COL18A1: variants seen among roughly 807,000 people sequenced by gnomAD.
COL18A1 encodes the protein collagen alpha-1(XVIII) chain.
Under a neutral mutation model 168.0 loss-of-function variants are expected in COL18A1, and 133 were observed. The observed-to-expected ratio is 0.79, with a 90% CI of 0.69 to 0.91. The LOEUF (loss-of-function observed/expected upper bound fraction) is 0.91, where lower values mean the gene tolerates loss of function less well. Among genes scored for constraint, COL18A1 ranks in the 40% least tolerant of loss-of-function variants. COL18A1 has a pLI of 0.00. For missense variants in COL18A1, 2,126 were observed against 1,925.4 expected (o/e 1.10, Z -1.95); for synonymous variants, 949 against 809.0 (o/e 1.17, Z -2.94).
chr21:45,497,261 C>G (rs2036575247), intron 31 of COL18A1, among the ~76,000 whole-genome samples, 169 bp downstream of exon 31: 2 of 151,508 alleles, frequency 1.3e-5, no homozygotes, highest in Non-Finnish European at 3.0e-5. Flanking sequence ...CCTGCGGGCC[C>G]TCCCAGCACA....
intron 2 of COL18A1, among the ~76,000 whole-genome samples, chr21:45,414,256 G>A (rs2033380337): frequency 6.6e-6 from 1 of 152,190 alleles, no homozygotes; most frequent in South Asian, 2.1e-4. Context: ...CCTCTCATCT[G>A]TTTTGGGTCC....
At chr21:45,429,827 G>A (rs141059214) in intron 2 of COL18A1, among the ~76,000 whole-genome samples, 7 of 152,298 alleles carry the variant, frequency 4.6e-5, no homozygotes, top group South Asian at 2.1e-4. Flanking sequence ...AAGCCTGCCC[G>A]CCTTGGTTCA....
chr21:45,506,410 A>C, intron 37 of COL18A1: 1 of 323,486 alleles, frequency 3.1e-6, no homozygotes, highest in Non-Finnish European at 6.1e-6. Context: ...GGTGGGATGA[A>C]ATGCATCCTC....
At chr21:45,467,167 G>T in intron 2 of COL18A1, 1 of 896,452 alleles carries the variant, frequency 1.1e-6, no homozygotes. Context: ...ACTCTGAGCA[G>T]GGTCTGCCCT....
intron 17 of COL18A1, among the ~76,000 whole-genome samples, chr21:45,488,094 G>T (rs11089009): frequency 6.6e-6 from 1 of 152,012 alleles, no homozygotes; most frequent in Non-Finnish European, 1.5e-5. Context: ...AGGAGCCCCC[G>T]GGGCCACAGC....
intron 21 of COL18A1, 85 bp downstream of exon 21, chr21:45,490,956 C>A: frequency 7.7e-7 from 1 of 1,297,268 alleles, no homozygotes; most frequent in Non-Finnish European, 1.1e-6. Flanking sequence ...CAGGTCCGTG[C>A]CCCTGCTGCC....
rs576036864 is a variant in COL18A1 at position 45,498,108 on chromosome 21, C to A, written c.2683+447C>A. 3 of 625,006 alleles carry A rather than the reference C, an allele frequency of 4.8e-6. No individual in the cohort carries two copies. The highest frequency in any genetic ancestry group is 1.8e-5 in the South Asian group (1 of 54,692). 38.7% of individuals were successfully genotyped at this position (625,006 alleles called of 1,614,324 possible). ...GGGTGAGCCCAGCACCCCTGCTCCC[C>A]CAAAGGACAAGAATTCCCCCCTGAG... is the stretch of plus-strand genomic sequence containing the variant. On this transcript the variant is annotated intron_variant, in intron 32 of 41. Transcript: ENST00000651438. The surrounding 1 kb of genome is among the most constrained non-coding windows in gnomAD (Gnocchi z 4.5).
At chr21:45,448,010 C>G (rs1185899025) in intron 2 of COL18A1, among the ~76,000 whole-genome samples, 2 of 152,148 alleles carry the variant, frequency 1.3e-5, no homozygotes, top group African/African-American at 4.8e-5. Flanking sequence ...CCACACAGAG[C>G]CCCAGGGGAC....
At chr21:45,509,063 G>A (rs755187126) in intron 38 of COL18A1, among the ~76,000 whole-genome samples, 10 of 152,130 alleles carry the variant, frequency 6.6e-5, no homozygotes, top group Non-Finnish European at 1.5e-4. Context: ...TTGGAGCCGC[G>A]GCAAAGGAGA....
intron 34 of COL18A1, 146 bp from the exon 35 acceptor site, chr21:45,504,988 C>T (rs953315837): frequency 5.9e-6 from 6 of 1,023,672 alleles, no homozygotes; most frequent in African/African-American, 4.8e-5. Flanking sequence ...GGGGGTTTCT[C>T]AGGCTATGGC....
chr21:45,489,878 T>TGCCCCACACTG (rs2036243209), intron 19 of COL18A1, among the ~76,000 whole-genome samples: 1 of 10,288 alleles, frequency 9.7e-5, no homozygotes, highest in Non-Finnish European at 2.0e-4. Context: ...CCCCCACACC[T>TGCCCCACACTG]CCTCCCCGAC....
intron 15 of COL18A1, 72 bp downstream of exon 15, chr21:45,482,893 G>T (rs1210455434): frequency 5.6e-6 from 9 of 1,610,964 alleles, no homozygotes; most frequent in Non-Finnish European, 7.6e-6. Flanking sequence ...CCCCAAAGAG[G>T]GTGGCAGCCC....
intron 41 of COL18A1, 110 bp from the exon 42 acceptor site, chr21:45,512,078 C>G (rs2037643830): frequency 8.1e-7 from 1 of 1,234,322 alleles, no homozygotes; most frequent in Non-Finnish European, 1.2e-6. Flanking sequence ...CTGCAGCCCC[C>G]TGGTAACCCC....
At chr21:45,466,314 T>C (rs1301391321) in intron 2 of COL18A1, among the ~76,000 whole-genome samples, 7 of 152,148 alleles carry the variant, frequency 4.6e-5, no homozygotes, top group Non-Finnish European at 1.0e-4. Flanking sequence ...GGGCCTCTGT[T>C]AACACACACA....
intron 14 of COL18A1, 46 bp from the exon 15 acceptor site, chr21:45,482,749 G>A: frequency 2.5e-6 from 4 of 1,614,214 alleles, no homozygotes; most frequent in Non-Finnish European, 3.4e-6. Context: ...TCTGTCCACT[G>A]TGCTGCAAGT....
chr21:45,421,484 C>T (rs141850392), intron 2 of COL18A1: 28 of 534,586 alleles, frequency 5.2e-5, no homozygotes, highest in African/African-American at 3.8e-4. Context: ...CAGGACACCG[C>T]GTTTCTGGCT....
rs771234369 is a variant in COL18A1 at position 45,494,027 on chromosome 21, G to A, written c.2352+452G>A. On this transcript the variant is annotated intron_variant, in intron 26 of 41. Transcript: ENST00000651438. ...GCGTCCCCACCCCCAGCAGGCAGCC[G>A]CCCAGAAAAGCCCTCGGGGAGGGTC... is the stretch of plus-strand genomic sequence containing the variant. 9.5e-5 allele frequency: 24 copies of A among 253,432 alleles called. 1 individual carries two copies. Among genetic ancestry groups the A allele is most frequent in the Non-Finnish European group, 1.1e-4 (14 of 130,304 alleles). The allele number at this position is 253,432 out of a possible 1,614,324, so 15.7% of individuals were successfully genotyped here.
chr21:45,497,275 G>A (rs181235812), intron 31 of COL18A1, among the ~76,000 whole-genome samples, 183 bp downstream of exon 31: 95 of 152,326 alleles, frequency 6.2e-4, no homozygotes, highest in African/African-American at 2.1e-3. Context: ...CAGCACAGCC[G>A]TCCAGGACCT....
chr21:45,421,636 G>A (rs374647741), intron 2 of COL18A1: 16 of 517,936 alleles, frequency 3.1e-5, no homozygotes, highest in African/African-American at 1.2e-4. Flanking sequence ...GGTGTGGAGC[G>A]GGTCAGGTGG....
Sources: gnomAD v4.1 joint callset for allele counts (sites outside exome capture counted in the v4.1 genomes callset) on GRCh38, gnomAD v4.1.1 for gene constraint, Gnocchi (gnomAD v3.1) non-coding constraint, MANE v1.5 for transcripts, NCBI Gene and HGNC (gene_info 2026-07-23, HGNC 2026-07-21) for gene names.